NRXN3: variants seen among roughly 807,000 people sequenced by gnomAD.
The protein encoded by NRXN3 is neurexin III.
In NRXN3, 32 loss-of-function variants were observed where a neutral mutation model predicts 137.6. The ratio of observed to expected loss-of-function variants is 0.23; its 90% confidence interval spans 0.18 to 0.31. NRXN3 has a LOEUF of 0.31. Among genes scored for constraint, NRXN3 ranks in the 10% least tolerant of loss-of-function variants. The pLI is 1.00. For synonymous variants in NRXN3, 798 were observed against 784.5 expected (o/e 1.02, Z -0.29); for missense variants, 1,574 against 2,062.5 (o/e 0.76, Z 4.59).
At chr14:79,127,653 A>G (rs949473064) in intron 15 of NRXN3, among the ~76,000 whole-genome samples, 19 of 152,172 alleles carry the variant, frequency 1.2e-4, no homozygotes, top group South Asian at 4.1e-4. Context: ...TGACTTGGCG[A>G]TGCAGGCTCT....
chr14:79,725,704 A>G (rs2098882604), intron 19 of NRXN3, among the ~76,000 whole-genome samples: 1 of 152,178 alleles, frequency 6.6e-6, no homozygotes, highest in African/African-American at 2.4e-5. Flanking sequence ...GAAATAAGCA[A>G]TGTCAGCAGC....
chr14:79,061,511 A>G (rs2099674247), intron 15 of NRXN3, among the ~76,000 whole-genome samples: 1 of 152,234 alleles, frequency 6.6e-6, no homozygotes, highest in Non-Finnish European at 1.5e-5. Flanking sequence ...TAGTGAATGA[A>G]GCCATAGTGA....
intron 3 of NRXN3, among the ~76,000 whole-genome samples, chr14:78,287,161 T>C (rs1596820320): frequency 6.6e-6 from 1 of 152,188 alleles, no homozygotes; most frequent in East Asian, 1.9e-4. Context: ...TGAAGGGACC[T>C]GAAAGCTTCA....
chr14:79,578,853 T>G (rs1327665291), intron 16 of NRXN3, among the ~76,000 whole-genome samples: 7 of 152,098 alleles, frequency 4.6e-5, no homozygotes, highest in Admixed American at 4.6e-4. Flanking sequence ...TCAAGTCAAT[T>G]TAAATCAAGA....
At chr14:78,398,357 T>C (rs371118517) in intron 4 of NRXN3, among the ~76,000 whole-genome samples, 9 of 152,290 alleles carry the variant, frequency 5.9e-5, no homozygotes, top group African/African-American at 2.2e-4. Flanking sequence ...CTGGACACTT[T>C]GGTTATTATT....
At chr14:79,110,798 T>A (rs4899728) in intron 15 of NRXN3, among the ~76,000 whole-genome samples, 6,515 of 135,556 alleles carry the variant, frequency 0.048, 186 homozygotes, top group South Asian at 0.068. Context: ...TTATTTATTT[T>A]TTTATTTTTT....
intron 16 of NRXN3, among the ~76,000 whole-genome samples, chr14:79,575,002 ATGT>A (rs2097651110): frequency 6.6e-6 from 1 of 151,954 alleles, no homozygotes; most frequent in Non-Finnish European, 1.5e-5. Flanking sequence ...TCTCTTTTTT[ATGT>A]TGTTCATGTG....
intron 4 of NRXN3, among the ~76,000 whole-genome samples, chr14:78,372,656 C>G (rs1383488306): frequency 6.6e-6 from 1 of 152,164 alleles, no homozygotes; most frequent in African/African-American, 2.4e-5. Flanking sequence ...TTAGAACTTC[C>G]TGGATTTAAT....
At chr14:79,622,989 G>T (rs2098241362) in intron 16 of NRXN3, among the ~76,000 whole-genome samples, 2 of 152,090 alleles carry the variant, frequency 1.3e-5, no homozygotes, top group East Asian at 1.9e-4. Flanking sequence ...CTGAATATTT[G>T]CAGAGAAATC....
At chr14:78,309,677 AT>A (rs2077748201) in intron 4 of NRXN3, among the ~76,000 whole-genome samples, 1 of 152,158 alleles carries the variant, frequency 6.6e-6, no homozygotes, top group African/African-American at 2.4e-5. Flanking sequence ...GAAAATGTAC[AT>A]TTCAAAGTTA....
chr14:78,376,823 C>G lies in NRXN3; in HGVS notation c.757+78963C>G, dbSNP rs370276201. The stretch of plus-strand genomic sequence containing the variant: ...GGGGTAGGTAAAGGGAGATAAATTT[C>G]ATTTCACTGCAACTGGTAAAATGAT... On this transcript the variant is annotated intron_variant, in intron 4 of 20. Coordinates refer to ENST00000335750, the MANE Select transcript of NRXN3 (RefSeq NM_001330195.2). 9.2e-5 allele frequency among the ~76,000 whole-genome samples: 14 copies of G among 152,282 alleles called. No homozygotes were observed. The South Asian group carries it at 1.7e-3, about 18-fold the overall frequency.
At chr14:78,460,724 T>A (rs910584016) in intron 4 of NRXN3, among the ~76,000 whole-genome samples, 7 of 152,284 alleles carry the variant, frequency 4.6e-5, no homozygotes, top group African/African-American at 1.7e-4. Context: ...ATGGATTAGG[T>A]CTGAGATTCT....
chr14:79,013,117 T>C (rs1184675343), intron 15 of NRXN3, among the ~76,000 whole-genome samples: 1 of 152,194 alleles, frequency 6.6e-6, no homozygotes, highest in East Asian at 1.9e-4. Flanking sequence ...TTTGCCTGTA[T>C]GAAATTCATT....
At chr14:78,853,601 T>G (rs1341857109) in intron 10 of NRXN3, among the ~76,000 whole-genome samples, 2 of 152,214 alleles carry the variant, frequency 1.3e-5, no homozygotes, top group Non-Finnish European at 2.9e-5. Flanking sequence ...AAATTTTGTA[T>G]GATAAAATAC....
intron 10 of NRXN3, among the ~76,000 whole-genome samples, chr14:78,880,164 C>T (rs1356337569): frequency 4.5e-5 from 6 of 133,342 alleles, no homozygotes; most frequent in South Asian, 4.6e-4. Flanking sequence ...GGCATGAACC[C>T]GGGAGGCGGA....
intron 19 of NRXN3, among the ~76,000 whole-genome samples, chr14:79,799,552 C>T (rs1568292884): frequency 6.6e-6 from 1 of 152,186 alleles, no homozygotes; most frequent in Non-Finnish European, 1.5e-5. Context: ...GTAGTGGTCA[C>T]ACTGTCATTC....
intron 8 of NRXN3, among the ~76,000 whole-genome samples, chr14:78,782,905 A>G (rs2098775178): frequency 6.6e-6 from 1 of 152,222 alleles, no homozygotes; most frequent in African/African-American, 2.4e-5. Context: ...AAGGAGAGGT[A>G]AACATGAATA....
intron 4 of NRXN3, among the ~76,000 whole-genome samples, chr14:78,585,148 G>T (rs941168863): frequency 1.3e-5 from 2 of 148,400 alleles, no homozygotes; most frequent in African/African-American, 2.5e-5. Flanking sequence ...AAGGGGGGGG[G>T]GTGATTAATT....
At chr14:78,250,383 A>G (rs1013340317) in intron 2 of NRXN3, among the ~76,000 whole-genome samples, 4 of 152,226 alleles carry the variant, frequency 2.6e-5, no homozygotes, top group Non-Finnish European at 4.4e-5. Context: ...CAAACTGCAC[A>G]TCAATTTGGT....
Sources: gnomAD v4.1 joint callset for allele counts (sites outside exome capture counted in the v4.1 genomes callset) on GRCh38, gnomAD v4.1.1 for gene constraint, MANE v1.5 for transcripts, NCBI Gene and HGNC (gene_info 2026-07-23, HGNC 2026-07-21) for gene names.